WWOX: variants seen among roughly 807,000 people sequenced by gnomAD.
The protein encoded by WWOX is WW domain-containing oxidoreductase.
In WWOX, 69 loss-of-function variants were observed where a neutral mutation model predicts 46.2. The observed-to-expected ratio is 1.49, with a 90% CI of 1.23 to 1.82. The LOEUF (loss-of-function observed/expected upper bound fraction) is 1.82, where lower values mean the gene tolerates loss of function less well. WWOX is among the 40% of genes most tolerant of loss of function. The pLI is 0.00. For missense variants in WWOX, 919 were observed against 542.6 expected (o/e 1.69, Z -6.89); for synonymous variants, 359 against 202.6 (o/e 1.77, Z -6.56).
At chr16:78,532,344 C>G (rs1294113365) in intron 8 of WWOX, among the ~76,000 whole-genome samples, 2 of 152,136 alleles carry the variant, frequency 1.3e-5, no homozygotes, top group Non-Finnish European at 2.9e-5. Flanking sequence ...CTCTTACTTG[C>G]TTTGTGGCTT....
chr16:78,626,647 C>G (rs556375142), intron 8 of WWOX, among the ~76,000 whole-genome samples: 31 of 152,274 alleles, frequency 2.0e-4, no homozygotes, highest in Non-Finnish European at 4.3e-4. Flanking sequence ...CCTCTACTTT[C>G]CACACTGCTG....
At chr16:78,754,248 C>T (rs1264335239) in intron 8 of WWOX, among the ~76,000 whole-genome samples, 1 of 152,072 alleles carries the variant, frequency 6.6e-6, no homozygotes, top group Non-Finnish European at 1.5e-5. Flanking sequence ...TCCTGAGATT[C>T]TTGCTTCCTT....
intron 8 of WWOX, chr16:78,898,173 T>G (rs1363143845): frequency 6.6e-6 from 1 of 152,116 alleles, no homozygotes; most frequent in East Asian, 1.9e-4. Context: ...CAATTTATCT[T>G]TTTCATTTGT....
At chr16:78,276,256 C>T (rs1355975673) in intron 5 of WWOX, among the ~76,000 whole-genome samples, 8 of 152,296 alleles carry the variant, frequency 5.3e-5, no homozygotes, top group Middle Eastern at 6.8e-3. Flanking sequence ...TAGTTAGCTC[C>T]TCCCAGCCTC....
chr16:78,896,358 C>G (rs1319205660), intron 8 of WWOX: 2 of 152,012 alleles, frequency 1.3e-5, no homozygotes, highest in East Asian at 1.9e-4. Context: ...ACAAAGTTAT[C>G]AAAAACGGGC....
At chr16:78,156,714 A>G (rs1315577213) in intron 4 of WWOX, among the ~76,000 whole-genome samples, 2 of 152,078 alleles carry the variant, frequency 1.3e-5, no homozygotes, top group East Asian at 3.9e-4. Flanking sequence ...ATTTGAGGTT[A>G]GGAGTTCGAG....
chr16:78,756,745 C>A (rs1848688386), intron 8 of WWOX, among the ~76,000 whole-genome samples: 2 of 152,080 alleles, frequency 1.3e-5, no homozygotes, highest in Non-Finnish European at 2.9e-5. Context: ...AAGAATCAAA[C>A]CTAAGTTGGG....
At chr16:78,405,627 T>A (rs1281378516) in intron 6 of WWOX, among the ~76,000 whole-genome samples, 1 of 152,220 alleles carries the variant, frequency 6.6e-6, no homozygotes, top group Non-Finnish European at 1.5e-5. Flanking sequence ...GTATATGTGT[T>A]TTTTATCTCT....
chr16:78,333,041 TAC>T (rs2080797150), intron 5 of WWOX, among the ~76,000 whole-genome samples: 1 of 125,732 alleles, frequency 8.0e-6, no homozygotes. Flanking sequence ...AAGAGCATTA[TAC>T]TTTTTTTTTT....
At chr16:78,549,590 G>C (rs1011233591) in intron 8 of WWOX, among the ~76,000 whole-genome samples, 1 of 152,140 alleles carries the variant, frequency 6.6e-6, no homozygotes, top group East Asian at 1.9e-4. Flanking sequence ...GGCCACTCCA[G>C]ACCATTTGAT....
chr16:78,858,970 C>A (rs149498430), intron 8 of WWOX, among the ~76,000 whole-genome samples: 1 of 131,870 alleles, frequency 7.6e-6, no homozygotes, highest in African/African-American at 3.0e-5. Flanking sequence ...TGAGCCACCA[C>A]GGCTGGCCAA....
At chr16:78,676,594 C>T (rs1367588655) in intron 8 of WWOX, among the ~76,000 whole-genome samples, 3 of 152,098 alleles carry the variant, frequency 2.0e-5, no homozygotes, top group Non-Finnish European at 4.4e-5. Context: ...GGGCACTCTG[C>T]TCAGTGCAAG....
chr16:78,923,744 A>G (rs1165240285), intron 8 of WWOX, among the ~76,000 whole-genome samples: 1 of 136,098 alleles, frequency 7.3e-6, no homozygotes, highest in African/African-American at 2.6e-5. Flanking sequence ...AGGATTCACA[A>G]GTTTCACAAG....
At chr16:78,608,837 T>C (rs996810697) in intron 8 of WWOX, among the ~76,000 whole-genome samples, 2 of 152,156 alleles carry the variant, frequency 1.3e-5, no homozygotes, top group African/African-American at 4.8e-5. Flanking sequence ...CTAGCCTTTA[T>C]AGAAATGACA....
chr16:78,846,384 T>A (rs1475667592), intron 8 of WWOX, among the ~76,000 whole-genome samples: 1 of 152,154 alleles, frequency 6.6e-6, no homozygotes, highest in Admixed American at 6.5e-5. Flanking sequence ...GCATTTATTA[T>A]CATATCTCTC....
intron 8 of WWOX, among the ~76,000 whole-genome samples, chr16:78,643,273 A>G (rs955890671): frequency 6.6e-6 from 1 of 152,250 alleles, no homozygotes; most frequent in East Asian, 1.9e-4. Flanking sequence ...AATTTTTACC[A>G]TGTGCCAAGC....
At chr16:79,197,380 C>G (rs891876533) in intron 8 of WWOX, among the ~76,000 whole-genome samples, 1 of 152,198 alleles carries the variant, frequency 6.6e-6, no homozygotes, top group African/African-American at 2.4e-5. Flanking sequence ...TTCCTCCCAA[C>G]TCTGCATTCA....
intron 8 of WWOX, among the ~76,000 whole-genome samples, chr16:78,479,416 T>C (rs1418297893): frequency 6.6e-6 from 1 of 152,242 alleles, no homozygotes; most frequent in Admixed American, 6.5e-5. Flanking sequence ...TTGTAATGTT[T>C]TAAAGCTTTT....
intron 5 of WWOX, among the ~76,000 whole-genome samples, chr16:78,221,718 G>C (rs181748608): frequency 6.6e-6 from 1 of 152,302 alleles, no homozygotes; most frequent in African/African-American, 2.4e-5. Flanking sequence ...GTAATACACA[G>C]ATTGCCTTGG....
Sources: allele counts gnomAD v4.1 joint callset (sites outside exome capture counted in the v4.1 genomes callset), GRCh38; gene constraint gnomAD v4.1.1; transcripts MANE v1.5; gene names NCBI Gene and HGNC (gene_info 2026-07-23, HGNC 2026-07-21).